The following SMYD1 variants were observed in gnomAD, a reference collection of about 807,000 sequenced individuals.
SMYD1 encodes the protein SET and MYND domain containing 1.
Under a neutral mutation model 54.0 loss-of-function variants are expected in SMYD1, and 49 were observed. That is an observed-to-expected ratio of 0.91 (90% CI 0.72 to 1.15). SMYD1 has a LOEUF of 1.15. Ranked by LOEUF, SMYD1 falls within the 50% of genes most tolerant of loss-of-function variation. The pLI is 0.00. For missense variants in SMYD1, 653 were observed against 639.6 expected (o/e 1.02, Z -0.23); for synonymous variants, 269 against 234.2 (o/e 1.15, Z -1.36).
At position 88,108,406 on chromosome 2, in the gene SMYD1, T is replaced by C; in HGVS notation, c.1181T>C (p.Met394Thr). ...LYHPNNAQLG[M>T]AVMRAGLTNW... ...CACCCCAACAATGCCCAACTGGGCATGGCCGTGATGCGGGCAGGGCTGACC... is the reference window on the plus strand; with the variant it reads ...CACCCCAACAATGCCCAACTGGGCACGGCCGTGATGCGGGCAGGGCTGACC... The change falls in exon 9 of 10, where the codon ATG becomes ACG. Residue 394 changes from methionine to threonine, a missense_variant. Coordinates refer to ENST00000419482, the MANE Select transcript of SMYD1 (RefSeq NM_198274.4). 6.2e-7 allele frequency: 1 copy of C among 1,607,552 alleles called. No individual in the cohort carries two copies. The highest frequency in any genetic ancestry group is 8.5e-7 in the Non-Finnish European group (1 of 1,177,458).
chr2:88,109,012 T>C (rs1394881542), intron 9 of SMYD1, among the ~76,000 whole-genome samples: 2 of 152,158 alleles, frequency 1.3e-5, no homozygotes, highest in African/African-American at 4.8e-5. Context: ...TCTGCTCCCA[T>C]GACTCAAGCA....
Position 88,112,368 on chromosome 2 carries a change from C to T in SMYD1, c.*1856C>T, listed in dbSNP as rs1015902385. 5.4e-6 allele frequency: 3 copies of T among 560,548 alleles called. No homozygotes were observed. The highest frequency in any genetic ancestry group is 9.6e-6 in the Non-Finnish European group (3 of 313,208). 34.7% of individuals were successfully genotyped at this position (560,548 alleles called of 1,614,324 possible). ...AACTGTGTTCTGTGTCTGTGCTCCTCCTTCCCTCTCAGACCACTGGAATGC... is the reference window on the plus strand; with the variant it reads ...AACTGTGTTCTGTGTCTGTGCTCCTTCTTCCCTCTCAGACCACTGGAATGC... On this transcript the variant is annotated 3_prime_UTR_variant, in exon 10 of 10. Transcript: ENST00000419482.
intron 7 of SMYD1, among the ~76,000 whole-genome samples, chr2:88,105,286 T>C (rs1414411063): frequency 6.6e-6 from 1 of 152,174 alleles, no homozygotes; most frequent in Non-Finnish European, 1.5e-5. Flanking sequence ...TTTTCTCATC[T>C]CGTAAAATGG....
At chr2:88,069,990 T>C (rs987328564) in intron 1 of SMYD1, among the ~76,000 whole-genome samples, 9 of 152,176 alleles carry the variant, frequency 5.9e-5, no homozygotes, top group Admixed American at 5.2e-4. Context: ...GTAACAACTA[T>C]AAAAACACCT....
chr2:88,103,430 C>G (rs1674773729), intron 7 of SMYD1, among the ~76,000 whole-genome samples: 1 of 152,124 alleles, frequency 6.6e-6, no homozygotes, highest in Non-Finnish European at 1.5e-5. Context: ...TCTGTGATAG[C>G]TAAACCTGGT....
At chr2:88,069,313 C>G (rs1413404722) in intron 1 of SMYD1, among the ~76,000 whole-genome samples, 2 of 152,164 alleles carry the variant, frequency 1.3e-5, no homozygotes, top group African/African-American at 4.8e-5. Context: ...TGTCTTCCTG[C>G]CCACTAAGAC....
intron 6 of SMYD1, among the ~76,000 whole-genome samples, chr2:88,100,350 C>A (rs1674694660): frequency 6.6e-6 from 1 of 152,170 alleles, no homozygotes; most frequent in Non-Finnish European, 1.5e-5. Context: ...CTTACATCAT[C>A]AAATTGAGCA....
chr2:88,089,598 T>TTTTTTTTTTTTTTTTTTTTTTTTTG (rs1674418615), intron 3 of SMYD1, among the ~76,000 whole-genome samples: 1 of 146,200 alleles, frequency 6.8e-6, no homozygotes, highest in African/African-American at 2.6e-5. Context: ...TTTTTTTTTT[T>TTTTTTTTTTTTTTTTTTTTTTTTTG]TTTTTTTTTT....
At chr2:88,073,601 A>G (rs1197858036) in intron 1 of SMYD1, among the ~76,000 whole-genome samples, 1 of 152,224 alleles carries the variant, frequency 6.6e-6, no homozygotes, top group Non-Finnish European at 1.5e-5. Context: ...TATTAAAGAC[A>G]AATTCCTACA....
chr2:88,108,439 ATGCTGGTAACAT>A lies in SMYD1; in HGVS notation c.1217_1228del (p.Ala406_Ile409del). ...ATGCGGGCAGGGCTGACCAACTGGCATGCTGGTAACATTGAGGTGGGGCACGGGATGATCTGC... is the reference window on the plus strand; with the variant it reads ...ATGCGGGCAGGGCTGACCAACTGGCATGAGGTGGGGCACGGGATGATCTGC... On this transcript the variant is annotated inframe_deletion, in exon 9 of 10. Transcript: ENST00000419482. The A allele has an allele frequency of 6.2e-7, 1 of 1,613,256 alleles. No individual in the cohort carries two copies. Among genetic ancestry groups the A allele is most frequent in the Non-Finnish European group, 8.5e-7 (1 of 1,179,642 alleles).
chr2:88,067,853 A>C lies in SMYD1; in HGVS notation c.-12A>C, dbSNP rs146885336. 2.1e-4 allele frequency: 341 copies of C among 1,612,368 alleles called. 2 individuals are homozygous for C. The East Asian group carries it at 5.6e-3, about 27-fold the overall frequency. On this transcript the variant is annotated 5_prime_UTR_variant, in exon 1 of 10. Transcript: ENST00000419482. ...GTTAAATAACTGCCGCGCTGGCCTG[A>C]CAGTCTCTGAGATGACAATAGGGAG...
chr2:88,085,233 C>G (rs1305363801), intron 2 of SMYD1, among the ~76,000 whole-genome samples: 1 of 152,194 alleles, frequency 6.6e-6, no homozygotes, highest in African/African-American at 2.4e-5. Flanking sequence ...TTCTAAGTCA[C>G]AGCAGCACCA....
At chr2:88,081,909 T>G (rs942316977) in intron 1 of SMYD1, among the ~76,000 whole-genome samples, 12 of 152,196 alleles carry the variant, frequency 7.9e-5, no homozygotes, top group Non-Finnish European at 2.9e-5. Context: ...GAGACAAGAT[T>G]TGGAGCCGTC....
At position 88,110,757 on chromosome 2, in the gene SMYD1, G is replaced by T. The variant is rs139035581; in HGVS notation, c.*245G>T. 101 of 444,114 alleles carry T rather than the reference G, an allele frequency of 2.3e-4. 2 individuals are homozygous for T. The highest frequency in any genetic ancestry group is 1.9e-3 in the African/African-American group (97 of 49,968). The allele number at this position is 444,114 out of a possible 1,614,324, so 27.5% of individuals were successfully genotyped here. A position where few individuals can be genotyped will look rare whatever the true frequency, so the allele number is the denominator to read the frequency against. ...AAATATTATTGGATGATAGGCCCTA[G>T]AACCCAATAAAGGAGCTCCAAATGT... On this transcript the variant is annotated 3_prime_UTR_variant, in exon 10 of 10. Coordinates refer to ENST00000419482, the MANE Select transcript of SMYD1 (RefSeq NM_198274.4).
intron 1 of SMYD1, among the ~76,000 whole-genome samples, chr2:88,076,045 C>T (rs918632335): frequency 1.3e-5 from 2 of 152,134 alleles, no homozygotes; most frequent in African/African-American, 2.4e-5. Flanking sequence ...CTCCTCATCT[C>T]GTAGGTGATG....
intron 1 of SMYD1, among the ~76,000 whole-genome samples, chr2:88,074,768 T>C (rs1375143359): frequency 2.0e-5 from 3 of 152,166 alleles, no homozygotes; most frequent in African/African-American, 7.2e-5. Context: ...GGGAAAAAGA[T>C]AGTGGGGAAC....
At chr2:88,095,161 C>T (rs764858673) in intron 5 of SMYD1, among the ~76,000 whole-genome samples, 1 of 152,148 alleles carries the variant, frequency 6.6e-6, no homozygotes, top group East Asian at 1.9e-4. Flanking sequence ...GCAGCTCAGA[C>T]ATAGGATTCT....
At chr2:88,072,215 A>T (rs953044003) in intron 1 of SMYD1, among the ~76,000 whole-genome samples, 5 of 150,666 alleles carry the variant, frequency 3.3e-5, no homozygotes, top group African/African-American at 1.2e-4. Context: ...TAGTGGTGAG[A>T]TCTCGGCTCA....
intron 8 of SMYD1, among the ~76,000 whole-genome samples, chr2:88,106,938 C>T (rs1004209241): frequency 6.6e-6 from 1 of 152,158 alleles, no homozygotes; most frequent in African/African-American, 2.4e-5. Flanking sequence ...CGGTGGCTCA[C>T]GCCTGTAATC....
Sources: allele counts gnomAD v4.1 joint callset (sites outside exome capture counted in the v4.1 genomes callset), GRCh38; gene constraint gnomAD v4.1.1; transcripts MANE v1.5; gene names NCBI Gene and HGNC (gene_info 2026-07-23, HGNC 2026-07-21).